Variants in TSPAN9 observed in about 807,000 individuals in gnomAD.
TSPAN9 encodes the protein tetraspanin 9.
Under a neutral mutation model 31.0 loss-of-function variants are expected in TSPAN9, and 16 were observed. That is an observed-to-expected ratio of 0.52 (90% CI 0.35 to 0.78). TSPAN9 has a LOEUF of 0.78. Ranked by LOEUF, TSPAN9 falls within the 30% of genes least tolerant of loss-of-function variation. The probability of loss-of-function intolerance (pLI) is 0.01; values close to 1 mark genes in which losing one functional copy is unlikely to be tolerated. For missense variants in TSPAN9, 272 were observed against 312.5 expected, an observed-to-expected ratio of 0.87 and a Z score of 0.98; for synonymous variants, 145 against 121.6, an observed-to-expected ratio of 1.19 and a Z score of -1.27.
chr12:3,188,447 T>A (rs893885939), intron 2 of TSPAN9, among the ~76,000 whole-genome samples: 11 of 151,992 alleles, frequency 7.2e-5, no homozygotes, highest in African/African-American at 2.7e-4. Context: ...ACCAGGGTGC[T>A]AGTCAGGTAC....
chr12:3,117,349 G>A (rs1240449672), intron 2 of TSPAN9, among the ~76,000 whole-genome samples: 2 of 152,164 alleles, frequency 1.3e-5, no homozygotes, highest in Non-Finnish European at 2.9e-5. Context: ...AGCTGCAGGA[G>A]GGAGATTGTG....
intron 2 of TSPAN9, among the ~76,000 whole-genome samples, chr12:3,146,152 GTC>G (rs1316237760): frequency 6.6e-6 from 1 of 152,226 alleles, no homozygotes; most frequent in Non-Finnish European, 1.5e-5. Context: ...GATCTTTGAG[GTC>G]TCTCTGGCCC....
chr12:3,253,155 G>A (rs941629185), intron 3 of TSPAN9, among the ~76,000 whole-genome samples: 4 of 152,142 alleles, frequency 2.6e-5, no homozygotes, highest in African/African-American at 7.2e-5. Context: ...AGAGCCTGTC[G>A]TACTGCTTCA....
At chr12:3,243,924 C>T (rs1002963979) in intron 3 of TSPAN9, among the ~76,000 whole-genome samples, 20 of 152,244 alleles carry the variant, frequency 1.3e-4, no homozygotes, top group Non-Finnish European at 2.2e-4. Context: ...GCTGCCTCCA[C>T]ATGCCCTTTA....
chr12:3,222,702 G>A (rs969993673), intron 3 of TSPAN9, among the ~76,000 whole-genome samples: 1 of 152,210 alleles, frequency 6.6e-6, no homozygotes, highest in African/African-American at 2.4e-5. Flanking sequence ...GGCCCTTTCT[G>A]CAGTGGTCCT....
At chr12:3,224,019 CCTA>C (rs1591688001) in intron 3 of TSPAN9, among the ~76,000 whole-genome samples, 1 of 152,146 alleles carries the variant, frequency 6.6e-6, no homozygotes, top group East Asian at 1.9e-4. Context: ...GAAGCTGCTT[CCTA>C]GTCCATTTCT....
At chr12:3,094,661 G>A (rs1384321099) in intron 2 of TSPAN9, among the ~76,000 whole-genome samples, 4 of 149,878 alleles carry the variant, frequency 2.7e-5, no homozygotes, top group Non-Finnish European at 4.4e-5. Context: ...TCAGCCTCCC[G>A]AGTAGCTGGG....
chr12:3,167,116 G>A (rs1250179358), intron 2 of TSPAN9, among the ~76,000 whole-genome samples: 1 of 152,114 alleles, frequency 6.6e-6, no homozygotes, highest in Non-Finnish European at 1.5e-5. Context: ...AGGCCTTTAC[G>A]TAAATGGGAT....
chr12:3,118,211 T>G (rs2098323301), intron 2 of TSPAN9, among the ~76,000 whole-genome samples: 1 of 148,246 alleles, frequency 6.7e-6, no homozygotes, highest in Admixed American at 6.8e-5. Flanking sequence ...CACTAACAGC[T>G]GCATTATCAC....
At chr12:3,264,797 G>A (rs756490235) in intron 3 of TSPAN9, among the ~76,000 whole-genome samples, 6 of 152,230 alleles carry the variant, frequency 3.9e-5, no homozygotes, top group Non-Finnish European at 7.3e-5. Context: ...TAATCCTGAC[G>A]ACGACTCTAT....
chr12:3,138,254 C>T (rs986993142), intron 2 of TSPAN9, among the ~76,000 whole-genome samples: 1 of 152,144 alleles, frequency 6.6e-6, no homozygotes, highest in Non-Finnish European at 1.5e-5. Context: ...TCCTTAGTGC[C>T]AGGGAGACGA....
At position 3,278,984 on chromosome 12, in the gene TSPAN9, C is replaced by T; in HGVS notation, c.256-8C>T. 5 of 1,614,156 alleles carry T rather than the reference C, an allele frequency of 3.1e-6. No individual in the cohort carries two copies. The highest frequency in any genetic ancestry group is 4.2e-6 in the Non-Finnish European group (5 of 1,179,992). ...CCACCTACCCATGCCTGGCCCTTTC[C>T]TTTCCAGTTTTTCATCGTCCTGTTG... On this transcript the variant is annotated splice_region_variant and splice_polypyrimidine_tract_variant and intron_variant, in intron 4 of 8. Coordinates refer to ENST00000011898, the MANE Select transcript of TSPAN9 (RefSeq NM_006675.5).
chr12:3,118,256 GTTTTTTTT>G (rs72307230), intron 2 of TSPAN9, among the ~76,000 whole-genome samples: 822 of 31,572 alleles, frequency 0.026, 43 homozygotes, highest in African/African-American at 0.065. Flanking sequence ...TGCACCCGCC[GTTTTTTTT>G]TTTTTTTTTT....
intron 2 of TSPAN9, among the ~76,000 whole-genome samples, chr12:3,184,936 C>T (rs1273168409): frequency 6.6e-5 from 10 of 152,000 alleles, no homozygotes; most frequent in Non-Finnish European, 1.5e-5. Flanking sequence ...CAGACTTCCT[C>T]CCTGGCCAGC....
intron 2 of TSPAN9, among the ~76,000 whole-genome samples, chr12:3,099,280 G>A (rs561906411): frequency 6.6e-6 from 1 of 152,200 alleles, no homozygotes; most frequent in Admixed American, 6.5e-5. Flanking sequence ...CAAGCGCACG[G>A]ATCTTCTGCA....
At chr12:3,097,737 G>A (rs1459817299) in intron 2 of TSPAN9, among the ~76,000 whole-genome samples, 1 of 152,242 alleles carries the variant, frequency 6.6e-6, no homozygotes, top group Non-Finnish European at 1.5e-5. Flanking sequence ...CCTGGTAACA[G>A]CCATTGGCTG....
chr12:3,083,084 T>G (rs936588591), intron 1 of TSPAN9, among the ~76,000 whole-genome samples: 10 of 152,242 alleles, frequency 6.6e-5, no homozygotes, highest in Non-Finnish European at 1.0e-4. Flanking sequence ...TAACTGCCCT[T>G]TCAGTTTCTG....
At chr12:3,173,721 G>A (rs185527188) in intron 2 of TSPAN9, 5 of 152,202 alleles carry the variant, frequency 3.3e-5, no homozygotes, top group Non-Finnish European at 7.3e-5. Flanking sequence ...TTGACCTCCT[G>A]GTCTCAAGTG....
At chr12:3,199,902 G>C (rs1274494030) in intron 2 of TSPAN9, 2 of 152,420 alleles carry the variant, frequency 1.3e-5, no homozygotes, top group Non-Finnish European at 2.9e-5. Context: ...AGGTCTATCC[G>C]GGAGACCGCG....
Sources: gnomAD v4.1 joint callset for allele counts (sites outside exome capture counted in the v4.1 genomes callset) on GRCh38, gnomAD v4.1.1 for gene constraint, MANE v1.5 for transcripts, NCBI Gene and HGNC (gene_info 2026-07-23, HGNC 2026-07-21) for gene names.